Variants in ATG10 observed in about 807,000 individuals in gnomAD.
ATG10 encodes the protein autophagy related 10, also known as ubiquitin-like-conjugating enzyme ATG10.
In ATG10, 30 loss-of-function variants were observed where a neutral mutation model predicts 32.1. The ratio of observed to expected loss-of-function variants is 0.94; its 90% CI spans 0.70 to 1.27. The LOEUF (loss-of-function observed/expected upper bound fraction) is 1.27, where lower values mean the gene tolerates loss of function less well. ATG10 is among the 50% of genes most tolerant of loss of function. ATG10 has a pLI of 0.00. For missense variants in ATG10, 233 were observed against 262.3 expected (o/e 0.89, Z 0.77); for synonymous variants, 87 against 91.5 (o/e 0.95, Z 0.28).
In ATG10 at chr5:82,190,598, C is replaced by A. The variant is rs1744617540; in HGVS notation, c.453+12011C>A. 2.6e-5 allele frequency among the ~76,000 whole-genome samples: 4 copies of A among 151,664 alleles called. No homozygotes were observed. The South Asian group carries it at 8.4e-4, about 32-fold the overall frequency. ...CCATCCTGGCAAACATGGTGAAACC[C>A]TGTCTCTACTAAAAATACAAAAATT... On this transcript the variant is annotated intron_variant, in intron 5 of 7. Coordinates refer to ENST00000282185, the MANE Select transcript of ATG10 (RefSeq NM_031482.5).
At chr5:81,995,435 G>T (rs1761632466) in intron 2 of ATG10, among the ~76,000 whole-genome samples, 1 of 152,128 alleles carries the variant, frequency 6.6e-6, no homozygotes, top group Non-Finnish European at 1.5e-5. Context: ...GAGCCACCAT[G>T]CCCAGCCTGA....
intron 5 of ATG10, among the ~76,000 whole-genome samples, chr5:82,218,149 C>T (rs985466017): frequency 6.6e-6 from 1 of 151,770 alleles, no homozygotes; most frequent in East Asian, 1.9e-4. Context: ...GTTTCAACTT[C>T]ATCAACCCAG....
chr5:82,054,889 G>C (rs1189267717), intron 2 of ATG10, among the ~76,000 whole-genome samples: 1 of 152,190 alleles, frequency 6.6e-6, no homozygotes, highest in Non-Finnish European at 1.5e-5. Flanking sequence ...AGAGTTAAAT[G>C]TTCAAGTGTA....
intron 2 of ATG10, among the ~76,000 whole-genome samples, chr5:82,032,241 T>A (rs16899342): frequency 6.6e-6 from 1 of 152,232 alleles, no homozygotes; most frequent in East Asian, 1.9e-4. Context: ...ATGGTTAGAC[T>A]CAGAGTTTAT....
intron 3 of ATG10, among the ~76,000 whole-genome samples, chr5:82,063,682 G>C (rs1269206481): frequency 6.6e-6 from 1 of 151,928 alleles, no homozygotes; most frequent in Non-Finnish European, 1.5e-5. Flanking sequence ...TGTAGAGACG[G>C]GATTTCACCA....
intron 3 of ATG10, among the ~76,000 whole-genome samples, chr5:82,143,026 A>T (rs562320336): frequency 6.6e-6 from 1 of 152,316 alleles, no homozygotes; most frequent in Non-Finnish European, 1.5e-5. Context: ...AAATTGTCAG[A>T]TCTTTTGGCA....
intron 5 of ATG10, among the ~76,000 whole-genome samples, chr5:82,216,080 A>G (rs1745668929): frequency 1.3e-5 from 2 of 152,240 alleles, no homozygotes; most frequent in Non-Finnish European, 1.5e-5. Flanking sequence ...AGCCAAGGAT[A>G]GAAATCAAAT....
At chr5:82,242,851 C>T (rs1486094070) in intron 5 of ATG10, 1 of 448,408 alleles carries the variant, frequency 2.2e-6, no homozygotes, top group Admixed American at 2.4e-5. Context: ...GAATATTATC[C>T]CAGAATGAAT....
chr5:82,170,885 T>C (rs2149910407), intron 4 of ATG10, among the ~76,000 whole-genome samples: 1 of 152,012 alleles, frequency 6.6e-6, no homozygotes, highest in East Asian at 1.9e-4. Context: ...AGGCGGAGCT[T>C]GCAGTGAGCC....
In ATG10 at chr5:82,074,268, A is replaced by G. The variant is rs541192717; in HGVS notation, c.216+15666A>G. Among the ~76,000 whole-genome samples the G allele has an allele frequency of 9.2e-5, 14 of 152,344 alleles. No homozygotes were observed. The East Asian group carries it at 1.9e-3, about 21-fold the overall frequency. On this transcript the variant is annotated intron_variant, in intron 3 of 7. Coordinates refer to ENST00000282185, the MANE Select transcript of ATG10 (RefSeq NM_031482.5). ...TACCCAAAGTAGAATACAGTATAATAATTTAATTGTAAGACTTAGAAAAAC... is the reference window on the plus strand; with the variant it reads ...TACCCAAAGTAGAATACAGTATAATGATTTAATTGTAAGACTTAGAAAAAC...
At chr5:82,107,085 A>G (rs1039604420) in intron 3 of ATG10, among the ~76,000 whole-genome samples, 2 of 152,116 alleles carry the variant, frequency 1.3e-5, no homozygotes, top group African/African-American at 2.4e-5. Flanking sequence ...GGAACACAAG[A>G]AGAATTTAAC....
chr5:82,057,103 C>G (rs745347496), intron 2 of ATG10, among the ~76,000 whole-genome samples: 2 of 152,082 alleles, frequency 1.3e-5, no homozygotes, highest in Non-Finnish European at 2.9e-5. Context: ...TATTTAGCAA[C>G]CTGTGACAGA....
intron 3 of ATG10, among the ~76,000 whole-genome samples, chr5:82,062,964 A>C (rs977766487): frequency 6.6e-6 from 1 of 152,140 alleles, no homozygotes; most frequent in Non-Finnish European, 1.5e-5. Flanking sequence ...TATAACTTTT[A>C]TTTAGTCAAT....
rs1433886200 is a variant in ATG10, at chr5:82,048,644, A to G, written c.109-9851A>G. 5.9e-5 allele frequency among the ~76,000 whole-genome samples: 9 copies of G among 152,052 alleles called. 1 individual carries two copies. The highest frequency in any genetic ancestry group is 3.9e-4 in the Admixed American group (6 of 15,262). ...AAATGGGAGAAAATTTTCACAACCT[A>G]CTCATCTGACAGAGGGCTAATATCC... On this transcript the variant is annotated intron_variant, in intron 2 of 7. Coordinates refer to ENST00000282185, the MANE Select transcript of ATG10 (RefSeq NM_031482.5).
intron 3 of ATG10, among the ~76,000 whole-genome samples, chr5:82,116,695 G>A (rs1733260221): frequency 1.3e-5 from 2 of 152,032 alleles, no homozygotes; most frequent in African/African-American, 4.8e-5. Flanking sequence ...ATCTGGCTAC[G>A]CCTCCCGAAT....
At chr5:81,983,134 A>G (rs145091657) in intron 1 of ATG10, among the ~76,000 whole-genome samples, 147,938 of 150,396 alleles carry the variant, frequency 0.98, 72,785 homozygotes, top group East Asian at 1. Context: ...GGGCGGCCGG[A>G]CAGAGGTGCC....
chr5:82,133,210 T>C (rs1377216029), intron 3 of ATG10, among the ~76,000 whole-genome samples: 1 of 152,190 alleles, frequency 6.6e-6, no homozygotes, highest in Non-Finnish European at 1.5e-5. Context: ...GATGATAGTT[T>C]CTTTTGCGGT....
At chr5:82,067,437 A>C (rs1763974489) in intron 3 of ATG10, among the ~76,000 whole-genome samples, 1 of 152,178 alleles carries the variant, frequency 6.6e-6, no homozygotes, top group Non-Finnish European at 1.5e-5. Flanking sequence ...CACTGAAACT[A>C]TTTGAACCAT....
rs1744559419 is a variant in ATG10, at chr5:82,189,007, T to G, written c.453+10420T>G. Among the ~76,000 whole-genome samples the G allele has an allele frequency of 2.6e-5, 4 of 152,178 alleles. No homozygotes were observed. The South Asian group carries it at 8.3e-4, about 32-fold the overall frequency. ...TTTAGTTAAAAAGTTGGTCAATAAATAGAGATAATACCAAAGTATATAAAG... is the reference window on the plus strand; with the variant it reads ...TTTAGTTAAAAAGTTGGTCAATAAAGAGAGATAATACCAAAGTATATAAAG... On this transcript the variant is annotated intron_variant, in intron 5 of 7. Coordinates refer to ENST00000282185, the MANE Select transcript of ATG10 (RefSeq NM_031482.5).
Sources: gnomAD v4.1 joint callset for allele counts (sites outside exome capture counted in the v4.1 genomes callset) on GRCh38, gnomAD v4.1.1 for gene constraint, MANE v1.5 for transcripts, NCBI Gene and HGNC (gene_info 2026-07-23, HGNC 2026-07-21) for gene names.